EXOC6: variants seen among roughly 807,000 people sequenced by gnomAD.
EXOC6 encodes the protein exocyst complex component 6.
A neutral mutation model predicts 112.5 loss-of-function variants in EXOC6; 60 were observed. That is an observed-to-expected ratio of 0.53 (90% CI 0.43 to 0.66). The LOEUF (loss-of-function observed/expected upper bound fraction) is 0.66. Ranked by LOEUF, EXOC6 falls within the 30% of genes least tolerant of loss-of-function variation. The pLI, the probability that EXOC6 is intolerant of heterozygous loss-of-function variation, is 0.00. For missense variants in EXOC6, 855 were observed against 957.1 expected, an observed-to-expected ratio of 0.89 and a Z score of 1.41; for synonymous variants, 295 against 308.0, an observed-to-expected ratio of 0.96 and a Z score of 0.44.
At chr10:92,834,737 C>A (rs749487735) in exon 1 of EXOC6, 2 of 1,604,446 alleles carry the variant, frequency 1.2e-6, no homozygotes, top group Admixed American at 3.4e-5. Flanking sequence ...GCCTGTCGAG[C>A]GATGTTGGAA....
At chr10:93,052,793 A>G (rs554280606) in intron 20 of EXOC6, among the ~76,000 whole-genome samples, 2 of 152,338 alleles carry the variant, frequency 1.3e-5, no homozygotes, top group South Asian at 2.1e-4. Flanking sequence ...TTATCCTTTA[A>G]TAAGTAATTG....
intron 1 of EXOC6, among the ~76,000 whole-genome samples, chr10:92,828,726 G>A (rs200203788): frequency 1.7e-3 from 31 of 18,110 alleles, no homozygotes; most frequent in African/African-American, 4.0e-3. Context: ...GTGTGTGTGT[G>A]TGTATTTTTT....
chr10:92,895,857 G>A (rs1408243237), intron 4 of EXOC6, among the ~76,000 whole-genome samples: 1 of 125,556 alleles, frequency 8.0e-6, no homozygotes, highest in South Asian at 3.0e-4. Flanking sequence ...ACCACACCCG[G>A]CCTTTTTTTT....
chr10:92,880,897 T>G (rs1351095384), intron 1 of EXOC6, among the ~76,000 whole-genome samples: 1 of 152,216 alleles, frequency 6.6e-6, no homozygotes, highest in Non-Finnish European at 1.5e-5. Flanking sequence ...TATTTTAAGT[T>G]TAATACTATT....
At chr10:92,995,915 A>G (rs1843463352) in intron 18 of EXOC6, among the ~76,000 whole-genome samples, 1 of 152,212 alleles carries the variant, frequency 6.6e-6, no homozygotes, top group Non-Finnish European at 1.5e-5. Flanking sequence ...GTTTGTTTCT[A>G]GTCTGACTTT....
rs112832539 is a variant in EXOC6 at position 92,838,271 on chromosome 10, C to T, written c.86+3447C>T. On this transcript the variant is annotated intron_variant, in intron 1 of 21. Coordinates refer to the EXOC6 transcript ENST00000371552. ...GGCGACCAAGAGTCATTGTCAATGGCCTATAATGCCTTTCACCCCACCAGG... is the reference window on the plus strand; with the variant it reads ...GGCGACCAAGAGTCATTGTCAATGGTCTATAATGCCTTTCACCCCACCAGG... Among the ~76,000 whole-genome samples, 1,318 of 152,280 alleles carry T rather than the reference C, an allele frequency of 8.7e-3. 11 individuals carry two copies. The highest frequency in any genetic ancestry group is 0.012 in the Non-Finnish European group (834 of 68,022).
At chr10:92,973,961 C>A in intron 17 of EXOC6, 92 bp from the exon 18 acceptor site, 4 of 1,083,392 alleles carry the variant, frequency 3.7e-6, no homozygotes, top group Non-Finnish European at 5.1e-6. Flanking sequence ...AAATATTAAA[C>A]CAAAGGTAAA....
chr10:92,945,509 G>A (rs1464516460), intron 13 of EXOC6, among the ~76,000 whole-genome samples: 1 of 152,186 alleles, frequency 6.6e-6, no homozygotes, highest in African/African-American at 2.4e-5. Flanking sequence ...GCCTGACAGA[G>A]TAGGAACTTA....
rs56351316 is a variant in EXOC6, at chr10:92,943,332, G to A, written c.1310+2508G>A. On this transcript the variant is annotated intron_variant, in intron 13 of 21. Coordinates refer to ENST00000260762, the MANE Select transcript of EXOC6 (RefSeq NM_019053.6). ...CCCTCCTGGCCACCTAAATTTTTAA[G>A]AAGTAGCACAACTTAAGCTTTGCTT... Among the ~76,000 whole-genome samples, 120 of 152,136 alleles carry A rather than the reference G, an allele frequency of 7.9e-4. 1 individual carries two copies. Among genetic ancestry groups the A allele is most frequent in the Middle Eastern group, 3.4e-3 (1 of 294 alleles).
At chr10:93,009,537 C>T (rs1485862542) in intron 19 of EXOC6, among the ~76,000 whole-genome samples, 2 of 152,096 alleles carry the variant, frequency 1.3e-5, no homozygotes, top group East Asian at 3.8e-4. Context: ...TACAAGGCAG[C>T]AAAGTGAGTG....
At chr10:92,893,705 T>G (rs1849617287) in intron 2 of EXOC6, among the ~76,000 whole-genome samples, 185 bp downstream of exon 2, 5 of 152,198 alleles carry the variant, frequency 3.3e-5, no homozygotes, top group Admixed American at 3.3e-4. Context: ...GAGTATTCTC[T>G]TTTTCTGAAG....
intron 7 of EXOC6, among the ~76,000 whole-genome samples, chr10:92,917,424 T>TG (rs1304832278): frequency 3.6e-5 from 4 of 112,462 alleles, no homozygotes; most frequent in African/African-American, 1.7e-4. Flanking sequence ...AGTCTTTTAA[T>TG]GGAAAAAAAA....
chr10:93,050,428 G>T (rs2134369472), intron 20 of EXOC6, among the ~76,000 whole-genome samples: 1 of 151,880 alleles, frequency 6.6e-6, no homozygotes, highest in East Asian at 1.9e-4. Flanking sequence ...GTATGTGCCT[G>T]TAGTCCCAGC....
chr10:92,838,211 A>G (rs986067190), intron 1 of EXOC6, among the ~76,000 whole-genome samples: 7 of 152,200 alleles, frequency 4.6e-5, no homozygotes, highest in Non-Finnish European at 7.3e-5. Context: ...TGGGAAAACA[A>G]GTCTCCTCTG....
At chr10:93,037,734 C>T (rs1338160798) in intron 20 of EXOC6, among the ~76,000 whole-genome samples, 5 of 150,326 alleles carry the variant, frequency 3.3e-5, no homozygotes, top group Admixed American at 3.3e-4. Context: ...GCCACCGCAC[C>T]TGGCTATTAC....
At chr10:92,835,418 CTA>C (rs1236287973) in intron 1 of EXOC6, among the ~76,000 whole-genome samples, 1 of 152,110 alleles carries the variant, frequency 6.6e-6, no homozygotes, top group African/African-American at 2.4e-5. Flanking sequence ...AAATGAAAAA[CTA>C]TGTGTCATTG....
intron 4 of EXOC6, among the ~76,000 whole-genome samples, chr10:92,895,739 G>T (rs972693287): frequency 2.0e-5 from 3 of 150,672 alleles, no homozygotes; most frequent in African/African-American, 7.3e-5. Context: ...TCACTCTGTT[G>T]CCCAAGCTAG....
chr10:92,971,829 G>A (rs956857437), intron 17 of EXOC6, among the ~76,000 whole-genome samples: 6 of 151,580 alleles, frequency 4.0e-5, no homozygotes, highest in African/African-American at 1.2e-4. Flanking sequence ...CTTTTTTTCC[G>A]TGTATTGGTC....
intron 9 of EXOC6, among the ~76,000 whole-genome samples, chr10:92,930,373 C>T (rs967609767): frequency 6.6e-6 from 1 of 151,964 alleles, no homozygotes; most frequent in Non-Finnish European, 1.5e-5. Flanking sequence ...CATAGTGGCG[C>T]GTGCCTGTAA....
Sources: allele counts gnomAD v4.1 joint callset (sites outside exome capture counted in the v4.1 genomes callset), GRCh38; gene constraint gnomAD v4.1.1; transcripts MANE v1.5; gene names NCBI Gene and HGNC (gene_info 2026-07-23, HGNC 2026-07-21).